Variants in FLYWCH1 observed in about 807,000 individuals in gnomAD.
The protein encoded by FLYWCH1 is FLYWCH-type zinc finger 1, also known as FLYWCH-type zinc finger-containing protein 1.
Under a neutral mutation model 66.4 loss-of-function variants are expected in FLYWCH1, and 75 were observed. That is an observed-to-expected ratio of 1.13 (90% CI 0.94 to 1.37). The LOEUF (loss-of-function observed/expected upper bound fraction) is 1.37, where lower values mean the gene tolerates loss of function less well. FLYWCH1 is among the 40% of genes most tolerant of loss of function. The pLI, the probability that FLYWCH1 is intolerant of heterozygous loss-of-function variation, is 0.00. For synonymous variants in FLYWCH1, 595 were observed against 429.9 expected, an observed-to-expected ratio of 1.38 and a Z score of -4.75; for missense variants, 1,334 against 1,001.8, an observed-to-expected ratio of 1.33 and a Z score of -4.48.
rs755028500 is a variant in FLYWCH1, at chr16:2,933,168, G to T, written c.835G>T (p.Gly279Trp). The change falls in exon 5 of 10, where the codon GGG becomes TGG. Residue 279 changes from glycine to tryptophan, a missense_variant. Physicochemically the swap from Gly to Trp is radical, Grantham distance 184. Coordinates refer to ENST00000253928, the MANE Select transcript of FLYWCH1 (RefSeq NM_001308068.2). ...CCTCGAGTTCCTGAGGACGTGCTACGGGGGCAGCTTCCTGGTACACGAGTC... is the reference window on the plus strand; with the variant it reads ...CCTCGAGTTCCTGAGGACGTGCTACTGGGGCAGCTTCCTGGTACACGAGTC... ...RPLEFLRTCY[G>W]GSFLVHESFL... 1.9e-6 allele frequency: 3 copies of T among 1,613,536 alleles called. No individual in the cohort carries two copies. Among genetic ancestry groups the T allele is most frequent in the African/African-American group, 2.7e-5 (2 of 74,848 alleles).
Position 2,933,577 on chromosome 16 carries a change from A to G in FLYWCH1, c.1244A>G (p.Asp415Gly), listed in dbSNP as rs1258579876. The change falls in exon 5 of 10, where the codon GAC becomes GGC. Residue 415 changes from aspartate to glycine, a missense_variant. Coordinates refer to ENST00000253928, the MANE Select transcript of FLYWCH1 (RefSeq NM_001308068.2). ...APDEHQDMDADPGGPEFLKTP... is the reference protein window; with the variant it reads ...APDEHQDMDAGPGGPEFLKTP... ...GACGAGCACCAGGACATGGACGCAGACCCGGGTGAGCTGCCTTCCTTTGGG... is the reference window on the plus strand; with the variant it reads ...GACGAGCACCAGGACATGGACGCAGGCCCGGGTGAGCTGCCTTCCTTTGGG... 24 of 1,587,156 alleles carry G rather than the reference A, an allele frequency of 1.5e-5. No individual in the cohort carries two copies. The highest frequency in any genetic ancestry group is 2.7e-5 in the African/African-American group (2 of 74,188).
At chr16:2,918,684 G>A (rs1212720949) in intron 2 of FLYWCH1, among the ~76,000 whole-genome samples, 1 of 151,696 alleles carries the variant, frequency 6.6e-6, no homozygotes, top group Non-Finnish European at 1.5e-5. Context: ...CAGGTGATCC[G>A]CCTGCCTCGG....
chr16:2,937,521 G>A (rs2071064724), intron 7 of FLYWCH1, 137 bp downstream of exon 7: 8 of 1,079,302 alleles, frequency 7.4e-6, no homozygotes, highest in Non-Finnish European at 1.0e-5. Context: ...CTCCCCAGGG[G>A]CAGGAGGCTC....
chr16:2,916,911 G>A (rs544913457), intron 2 of FLYWCH1, among the ~76,000 whole-genome samples: 4 of 151,526 alleles, frequency 2.6e-5, no homozygotes, highest in Admixed American at 1.3e-4. Flanking sequence ...TTGGGAGGCC[G>A]AGGGGGGTGG....
intron 8 of FLYWCH1, among the ~76,000 whole-genome samples, chr16:2,938,756 G>T (rs1409326907): frequency 5.3e-5 from 8 of 150,398 alleles, no homozygotes; most frequent in Admixed American, 4.0e-4. Flanking sequence ...GGGACTACAG[G>T]TGCCTGCCAC....
chr16:2,937,479 G>T, intron 7 of FLYWCH1, 95 bp downstream of exon 7: 1 of 1,359,904 alleles, frequency 7.4e-7, no homozygotes, highest in African/African-American at 1.7e-5. Context: ...GTTGTGTGTT[G>T]TGCATGGTGG....
intron 6 of FLYWCH1, chr16:2,934,466 C>G: frequency 2.8e-6 from 1 of 357,140 alleles, no homozygotes; most frequent in Non-Finnish European, 5.6e-6. Flanking sequence ...TCCCGGCTGT[C>G]TCCATCTTTA....
chr16:2,914,871 T>C (rs994753273), intron 2 of FLYWCH1, among the ~76,000 whole-genome samples: 1 of 142,650 alleles, frequency 7.0e-6, no homozygotes, highest in Non-Finnish European at 1.5e-5. Flanking sequence ...ATCGAGCCAC[T>C]GCACTCCAGC....
intron 9 of FLYWCH1, among the ~76,000 whole-genome samples, chr16:2,947,763 C>CAA (rs552849157): frequency 0.01 from 1,276 of 126,320 alleles, 14 homozygotes; most frequent in Non-Finnish European, 0.017. Flanking sequence ...ACTCTTATCT[C>CAA]AAAAAAAAAA....
intron 6 of FLYWCH1, among the ~76,000 whole-genome samples, chr16:2,934,191 T>C (rs1039660638): frequency 3.3e-5 from 5 of 152,098 alleles, no homozygotes; most frequent in African/African-American, 1.2e-4. Context: ...AGCCTCCCCC[T>C]TCCAGCCTGA....
chr16:2,932,386 T>C lies in FLYWCH1; in HGVS notation c.797-744T>C, dbSNP rs1047439737. Among the ~76,000 whole-genome samples the C allele has an allele frequency of 6.6e-5, 10 of 152,030 alleles. 1 individual carries two copies. The highest frequency in any genetic ancestry group is 6.8e-3 in the Middle Eastern group (2 of 294). On this transcript the variant is annotated intron_variant, in intron 4 of 9. Transcript: ENST00000253928. ...AGCTCTGTAGCCTCAGAAAATTGGC[T>C]TAATTTCTGGAGTTTCAGGAGCTTT...
intron 9 of FLYWCH1, among the ~76,000 whole-genome samples, chr16:2,944,816 T>A (rs1386800306): frequency 6.8e-6 from 1 of 147,140 alleles, no homozygotes; most frequent in African/African-American, 2.5e-5. Flanking sequence ...AGTGAGACTC[T>A]GTATCAAAAA....
At chr16:2,931,948 C>T (rs1438972550) in intron 4 of FLYWCH1, among the ~76,000 whole-genome samples, 1 of 151,926 alleles carries the variant, frequency 6.6e-6, no homozygotes, top group Non-Finnish European at 1.5e-5. Context: ...CCTGTCTCTA[C>T]TAAAAAAATA....
chr16:2,931,754 G>C (rs746901076), intron 4 of FLYWCH1, among the ~76,000 whole-genome samples: 1 of 152,070 alleles, frequency 6.6e-6, no homozygotes, highest in Middle Eastern at 3.2e-3. Flanking sequence ...CGGATCATGA[G>C]GTCAGGAGTT....
At chr16:2,945,168 G>C (rs1004280740) in intron 9 of FLYWCH1, among the ~76,000 whole-genome samples, 2 of 151,810 alleles carry the variant, frequency 1.3e-5, no homozygotes, top group Non-Finnish European at 2.9e-5. Flanking sequence ...TGGCCAACGT[G>C]AAGAAACTCC....
intron 9 of FLYWCH1, among the ~76,000 whole-genome samples, chr16:2,944,452 GATA>G (rs1399506301): frequency 6.6e-6 from 1 of 150,684 alleles, no homozygotes; most frequent in Non-Finnish European, 1.5e-5. Context: ...ATTTGATAAT[GATA>G]ATAAATATGT....
chr16:2,934,395 TCCTCTCGG>T (rs1201663913), intron 6 of FLYWCH1, among the ~76,000 whole-genome samples: 2 of 152,218 alleles, frequency 1.3e-5, no homozygotes, highest in African/African-American at 4.8e-5. Context: ...AGCCGGTTTC[TCCTCTCGG>T]CCCGCTGTTC....
chr16:2,929,541 C>T (rs2070686133), intron 2 of FLYWCH1, 72 bp from the exon 3 acceptor site: 1 of 1,110,018 alleles, frequency 9.0e-7, no homozygotes, highest in African/African-American at 1.6e-5. Flanking sequence ...TCTGCCCCAC[C>T]TCCCTCCCAG....
At chr16:2,923,229 T>C (rs2070440919) in intron 2 of FLYWCH1, 2 of 324,042 alleles carry the variant, frequency 6.2e-6, no homozygotes, top group Non-Finnish European at 6.0e-6. Flanking sequence ...TTCAGCGCCA[T>C]CTTGTGAAGA....
Sources: allele counts gnomAD v4.1 joint callset (sites outside exome capture counted in the v4.1 genomes callset), GRCh38; gene constraint gnomAD v4.1.1; transcripts MANE v1.5; gene names NCBI Gene and HGNC (gene_info 2026-07-23, HGNC 2026-07-21).